Variants in ERC2 observed in about 807,000 individuals in gnomAD.
The protein encoded by ERC2 is ERC protein 2.
Under a neutral mutation model 114.8 loss-of-function variants are expected in ERC2, and 42 were observed. The observed-to-expected ratio is 0.37, with a 90% CI of 0.29 to 0.47. The LOEUF is 0.47. Ranked by LOEUF, ERC2 falls within the 20% of genes least tolerant of loss-of-function variation. The pLI is 0.99. For synonymous variants in ERC2, 454 were observed against 425.5 expected (o/e 1.07, Z -0.82); for missense variants, 939 against 1,150.7 (o/e 0.82, Z 2.66).
chr3:55,733,213 G>A (rs937957634), intron 15 of ERC2, among the ~76,000 whole-genome samples: 9 of 152,100 alleles, frequency 5.9e-5, no homozygotes, highest in African/African-American at 2.2e-4. Context: ...GACTTTCTGT[G>A]GCCAAGTAGG....
At chr3:55,713,131 T>A (rs71617285) in intron 15 of ERC2, among the ~76,000 whole-genome samples, 15,078 of 139,044 alleles carry the variant, frequency 0.11, 1,581 homozygotes, top group African/African-American at 0.26. Flanking sequence ...TCTCTCTGTC[T>A]CACACACACA....
intron 10 of ERC2, among the ~76,000 whole-genome samples, chr3:55,995,329 C>CTCAATCAATCAA (rs71099607): frequency 2.0e-5 from 3 of 150,894 alleles, no homozygotes; most frequent in East Asian, 2.0e-4. Context: ...GATACTCCAT[C>CTCAATCAATCAA]TCAATCAATC....
chr3:55,984,091 AG>A (rs1309468472), intron 12 of ERC2, among the ~76,000 whole-genome samples: 1 of 152,160 alleles, frequency 6.6e-6, no homozygotes, highest in East Asian at 1.9e-4. Context: ...TGTTCATTTG[AG>A]GCAACAGGTT....
chr3:56,061,723 C>A (rs2076253098), intron 7 of ERC2, among the ~76,000 whole-genome samples: 1 of 152,114 alleles, frequency 6.6e-6, no homozygotes, highest in African/African-American at 2.4e-5. Context: ...TTGAACATAG[C>A]AAATAACATA....
intron 3 of ERC2, among the ~76,000 whole-genome samples, chr3:56,278,018 T>C (rs951255534): frequency 1.7e-4 from 26 of 152,154 alleles, no homozygotes; most frequent in African/African-American, 6.3e-4. Context: ...ATTGCTTCAT[T>C]TGTAACAAGG....
At chr3:56,021,832 C>T (rs2073734823) in intron 7 of ERC2, among the ~76,000 whole-genome samples, 1 of 152,180 alleles carries the variant, frequency 6.6e-6, no homozygotes, top group Admixed American at 6.5e-5. Flanking sequence ...ATTTGGTTTT[C>T]CGTTTCTGCG....
At chr3:55,681,855 A>G (rs1227669316) in intron 17 of ERC2, among the ~76,000 whole-genome samples, 2 of 152,222 alleles carry the variant, frequency 1.3e-5, no homozygotes, top group East Asian at 1.9e-4. Context: ...CCTGAGGATA[A>G]CAACACTGTT....
chr3:55,992,017 T>A (rs772835756), intron 11 of ERC2, 40 bp downstream of exon 11: 1 of 1,584,040 alleles, frequency 6.3e-7, no homozygotes. Flanking sequence ...GCAGTCCATG[T>A]TCTCTCACTG....
intron 12 of ERC2, among the ~76,000 whole-genome samples, chr3:55,982,959 G>A (rs192181813): frequency 5.3e-5 from 8 of 152,296 alleles, no homozygotes; most frequent in South Asian, 2.1e-4. Context: ...CTATAATAAC[G>A]AGCTCACGCC....
chr3:55,831,811 A>C lies in ERC2; in HGVS notation c.2564+56578T>G, dbSNP rs564236404. 6.6e-5 allele frequency among the ~76,000 whole-genome samples: 10 copies of C among 152,330 alleles called. No homozygotes were observed. In the East Asian group the frequency reaches 1.7e-3, roughly 27 times the overall value. On this transcript the variant is annotated intron_variant, in intron 14 of 17. Transcript: ENST00000288221. ...TCGAAGCAGGGCGAGGCATTGCCTC[A>C]CTCGGGAAGTGCAAGGGGCCAAGGA...
At chr3:55,761,887 A>G (rs1233937873) in intron 14 of ERC2, among the ~76,000 whole-genome samples, 12 of 151,128 alleles carry the variant, frequency 7.9e-5, no homozygotes, top group Non-Finnish European at 1.3e-4. Flanking sequence ...AAAAAAAAAA[A>G]AAAAAAAGTA....
intron 13 of ERC2, among the ~76,000 whole-genome samples, chr3:55,910,420 A>G (rs1243498412): frequency 6.6e-6 from 1 of 151,980 alleles, no homozygotes. Flanking sequence ...CAAAAAAAAC[A>G]AAACAAAACA....
At chr3:56,071,923 T>G (rs1179538848) in intron 7 of ERC2, among the ~76,000 whole-genome samples, 4 of 152,176 alleles carry the variant, frequency 2.6e-5, no homozygotes, top group Non-Finnish European at 4.4e-5. Flanking sequence ...ACCAACAGTA[T>G]CGATCAATTG....
chr3:56,145,079 TA>T (rs2081068180), intron 5 of ERC2, among the ~76,000 whole-genome samples: 1 of 152,168 alleles, frequency 6.6e-6, no homozygotes, highest in African/African-American at 2.4e-5. Flanking sequence ...TTCCCCCACT[TA>T]CGTCTGTGAC....
intron 15 of ERC2, among the ~76,000 whole-genome samples, chr3:55,706,998 G>A (rs2148844807): frequency 6.6e-6 from 1 of 152,342 alleles, no homozygotes; most frequent in African/African-American, 2.4e-5. Flanking sequence ...AAATGGGCAA[G>A]AGAGGGAAGA....
intron 17 of ERC2, among the ~76,000 whole-genome samples, chr3:55,638,228 C>T (rs2060033376): frequency 6.6e-6 from 1 of 152,228 alleles, no homozygotes; most frequent in South Asian, 2.1e-4. Context: ...ATTGTCAACA[C>T]ACATCCCAAC....
chr3:56,208,559 C>T (rs2048873716), intron 3 of ERC2, among the ~76,000 whole-genome samples: 1 of 152,074 alleles, frequency 6.6e-6, no homozygotes, highest in Admixed American at 6.6e-5. Context: ...ATTATAAATC[C>T]CCAGTGTTCA....
chr3:56,436,590 T>C (rs1243469744), intron 1 of ERC2, among the ~76,000 whole-genome samples: 1 of 152,002 alleles, frequency 6.6e-6, no homozygotes, highest in Non-Finnish European at 1.5e-5. Context: ...TTGACTCCCT[T>C]CACTCCACCA....
At chr3:56,119,931 A>T (rs1023512691) in intron 6 of ERC2, among the ~76,000 whole-genome samples, 1 of 152,212 alleles carries the variant, frequency 6.6e-6, no homozygotes, top group Non-Finnish European at 1.5e-5. Flanking sequence ...CAATTGTGGG[A>T]AATAAAAGTA....
Sources: gnomAD v4.1 joint callset for allele counts (sites outside exome capture counted in the v4.1 genomes callset) on GRCh38, gnomAD v4.1.1 for gene constraint, MANE v1.5 for transcripts, NCBI Gene and HGNC (gene_info 2026-07-23, HGNC 2026-07-21) for gene names.